The following FBXO22 variants were observed in gnomAD, a reference collection of about 807,000 sequenced individuals.
FBXO22 encodes the protein F-box protein 22.
In FBXO22, 13 loss-of-function variants were observed where a neutral mutation model predicts 37.2. The ratio of observed to expected loss-of-function variants is 0.35; its 90% CI spans 0.23 to 0.56. The LOEUF (loss-of-function observed/expected upper bound fraction) is 0.56. FBXO22 is among the 20% of genes least tolerant of loss of function. The probability of loss-of-function intolerance (pLI) is 0.87; values close to 1 mark genes in which losing one functional copy is unlikely to be tolerated. For synonymous variants in FBXO22, 189 were observed against 189.1 expected (o/e 1.00, Z 0.00); for missense variants, 446 against 509.9 (o/e 0.87, Z 1.21).
rs569534788 is a variant in FBXO22, at chr15:75,939,705, T to C, written c.*6603T>C. 1.3e-5 allele frequency: 2 copies of C among 152,304 alleles called. No individual in the cohort carries two copies. Among genetic ancestry groups the C allele is most frequent in the Non-Finnish European group, 2.9e-5 (2 of 67,998 alleles). The allele number at this position is 152,304 out of a possible 1,614,324, so 9.4% of individuals were successfully genotyped here. Reference sequence around the variant, plus strand: ...GTACACCACGACCAAATGGAATGAATTCCTGGAATGCAAGGATTGTTCAAC... The same window carrying C: ...GTACACCACGACCAAATGGAATGAACTCCTGGAATGCAAGGATTGTTCAAC... On this transcript the variant is annotated 3_prime_UTR_variant, in exon 7 of 7. Coordinates refer to ENST00000308275, the MANE Select transcript of FBXO22 (RefSeq NM_147188.3).
Position 75,932,671 on chromosome 15 carries a change from T to C in FBXO22, c.795-14T>C. ...ATGTTTCATGAGATATTGCCACTTTTCTAAATTTTCCAGGAACCCTCTGGA... is the reference window on the plus strand; with the variant it reads ...ATGTTTCATGAGATATTGCCACTTTCCTAAATTTTCCAGGAACCCTCTGGA... On this transcript the variant is annotated splice_polypyrimidine_tract_variant and intron_variant, in intron 6 of 6. Transcript: ENST00000308275. 1 of 1,557,770 alleles carries C rather than the reference T, an allele frequency of 6.4e-7. No individual in the cohort carries two copies. The highest frequency in any genetic ancestry group is 8.6e-7 in the Non-Finnish European group (1 of 1,156,294).
intron 2 of FBXO22, among the ~76,000 whole-genome samples, chr15:75,907,364 A>G (rs1899953306): frequency 6.6e-6 from 1 of 152,274 alleles, no homozygotes. Context: ...TACCAGGAGC[A>G]TAAGTTCTCA....
chr15:75,938,122 T>G lies in FBXO22; in HGVS notation c.*5020T>G, dbSNP rs907939783. On this transcript the variant is annotated 3_prime_UTR_variant, in exon 7 of 7. Coordinates refer to ENST00000308275, the MANE Select transcript of FBXO22 (RefSeq NM_147188.3). ...AAGGATTACCTGGGACAAAGCTGAT[T>G]TGTAAAATCTAGGATTGCTCCTAGC... 10 of 152,182 alleles carry G rather than the reference T, an allele frequency of 6.6e-5. No homozygotes were observed. Among genetic ancestry groups the G allele is most frequent in the African/African-American group, 2.4e-4 (10 of 41,426 alleles). The allele number at this position is 152,182 out of a possible 1,614,324, so 9.4% of individuals were successfully genotyped here.
At chr15:75,926,544 G>C (rs1260251753) in intron 5 of FBXO22, among the ~76,000 whole-genome samples, 1 of 152,218 alleles carries the variant, frequency 6.6e-6, no homozygotes, top group African/African-American at 2.4e-5. Context: ...ACCCACTAGA[G>C]AAGATGTTGA....
intron 2 of FBXO22, among the ~76,000 whole-genome samples, chr15:75,907,332 T>C (rs922820298): frequency 8.5e-5 from 13 of 152,220 alleles, no homozygotes; most frequent in African/African-American, 3.1e-4. Context: ...GAAAAGGTAA[T>C]GCATATAAAC....
intron 2 of FBXO22, 136 bp from the exon 3 acceptor site, chr15:75,913,067 G>A (rs1900099343): frequency 3.7e-6 from 2 of 533,710 alleles, no homozygotes; most frequent in Non-Finnish European, 6.8e-6. Flanking sequence ...CCATGTAGTT[G>A]TGTGGTTTTG....
intron 6 of FBXO22, 89 bp downstream of exon 6, chr15:75,930,138 T>C: frequency 1.3e-6 from 2 of 1,597,480 alleles, no homozygotes; most frequent in South Asian, 1.1e-5. Context: ...TTAAAAAACG[T>C]GTTTAAAGAA....
chr15:75,911,374 T>C (rs916867823), intron 2 of FBXO22, among the ~76,000 whole-genome samples: 4 of 152,210 alleles, frequency 2.6e-5, no homozygotes, highest in African/African-American at 9.6e-5. Flanking sequence ...ATTTTCACGA[T>C]ATCGATTCTT....
intron 4 of FBXO22, 116 bp from the exon 5 acceptor site, chr15:75,917,114 G>C: frequency 2.7e-6 from 2 of 750,766 alleles, no homozygotes; most frequent in Non-Finnish European, 4.4e-6. Context: ...TGTCAAAGCT[G>C]AAAAACTTTT....
At chr15:75,905,527 C>T (rs1210391050) in intron 2 of FBXO22, 2 of 152,196 alleles carry the variant, frequency 1.3e-5, no homozygotes, top group Non-Finnish European at 2.9e-5. Context: ...ACGGTGCAGC[C>T]GTCACAATCA....
intron 2 of FBXO22, among the ~76,000 whole-genome samples, chr15:75,911,250 C>G (rs1210492180): frequency 6.6e-6 from 1 of 152,154 alleles, no homozygotes; most frequent in African/African-American, 2.4e-5. Context: ...TATACAGGCT[C>G]TTTATTGGTT....
intron 6 of FBXO22, 83 bp from the exon 7 acceptor site, chr15:75,932,602 G>T: frequency 3.7e-6 from 5 of 1,347,750 alleles, no homozygotes; most frequent in Non-Finnish European, 5.0e-6. Flanking sequence ...GCAGCCTCCC[G>T]TCAGTGAATC....
chr15:75,904,435 T>G, intron 1 of FBXO22, 56 bp from the exon 2 acceptor site: 3 of 1,611,774 alleles, frequency 1.9e-6, no homozygotes, highest in Non-Finnish European at 2.5e-6. Flanking sequence ...TTGTGAGCTG[T>G]GGGAGAGACG....
chr15:75,915,278 GT>G (rs879592336), intron 4 of FBXO22, among the ~76,000 whole-genome samples: 3 of 152,020 alleles, frequency 2.0e-5, no homozygotes, highest in Non-Finnish European at 4.4e-5. Context: ...CTGCTGTTAT[GT>G]TTTTTTGTTC....
Position 75,941,579 on chromosome 15 carries a change from A to G in FBXO22, c.*8477A>G, listed in dbSNP as rs1387572822. On this transcript the variant is annotated 3_prime_UTR_variant, in exon 7 of 7. Transcript: ENST00000308275. ...ATGTGTTATATCCATACAATGGAAT[A>G]TTATTCAGCCATAAAAAGGAAATCC... 1 of 152,212 alleles carries G rather than the reference A, an allele frequency of 6.6e-6. No individual in the cohort carries two copies. The highest frequency in any genetic ancestry group is 2.4e-5 in the African/African-American group (1 of 41,464). The allele number at this position is 152,212 out of a possible 1,614,324, so 9.4% of individuals were successfully genotyped here.
At chr15:75,930,701 TATC>T in intron 6 of FBXO22, 1 of 985,458 alleles carries the variant, frequency 1.0e-6, no homozygotes, top group African/African-American at 1.7e-5. Context: ...TGAAAATACA[TATC>T]ATTTTGAGTT....
intron 4 of FBXO22, among the ~76,000 whole-genome samples, chr15:75,915,167 C>T (rs909416150): frequency 2.0e-5 from 3 of 151,990 alleles, no homozygotes; most frequent in Admixed American, 6.6e-5. Flanking sequence ...AACCGGGTTT[C>T]ACCATGTTGG....
At chr15:75,918,400 G>A (rs1900238532) in intron 5 of FBXO22, among the ~76,000 whole-genome samples, 1 of 152,100 alleles carries the variant, frequency 6.6e-6, no homozygotes, top group African/African-American at 2.4e-5. Flanking sequence ...CAAAGACTCA[G>A]CCGGGAACCT....
In FBXO22 at chr15:75,936,562, T is replaced by G. The variant is rs1178738458; in HGVS notation, c.*3460T>G. On this transcript the variant is annotated 3_prime_UTR_variant, in exon 7 of 7. Transcript: ENST00000308275. ...CTGGCAGAAGCCAATAAGTATCACT[T>G]AATATTTTGGTATGGAAACTTTTTT... is the stretch of plus-strand genomic sequence containing the variant. The G allele has an allele frequency of 6.6e-6, 1 of 152,164 alleles. No individual in the cohort carries two copies. The highest frequency in any genetic ancestry group is 1.5e-5 in the Non-Finnish European group (1 of 68,022). 9.4% of individuals were successfully genotyped at this position (152,164 alleles called of 1,614,324 possible).
Sources: gnomAD v4.1 joint callset for allele counts (sites outside exome capture counted in the v4.1 genomes callset) on GRCh38, gnomAD v4.1.1 for gene constraint, MANE v1.5 for transcripts, NCBI Gene and HGNC (gene_info 2026-07-23, HGNC 2026-07-21) for gene names.